The following OXR1 variants were observed in gnomAD, a reference collection of about 807,000 sequenced individuals.
OXR1 encodes oxidation resistance protein 1.
In OXR1, 41 loss-of-function variants were observed where a neutral mutation model predicts 104.6. The ratio of observed to expected loss-of-function variants is 0.39; its 90% CI spans 0.31 to 0.51. The LOEUF (loss-of-function observed/expected upper bound fraction) is 0.51, where lower values mean the gene tolerates loss of function less well. OXR1 is among the 20% of genes least tolerant of loss of function. OXR1 has a pLI of 0.77. For missense variants in OXR1, 955 were observed against 1,031.9 expected, an observed-to-expected ratio of 0.93 and a Z score of 1.02; for synonymous variants, 348 against 348.4, an observed-to-expected ratio of 1.00 and a Z score of 0.01.
At chr8:106,626,044 T>TTGTGTGTGTGTG (rs59554916) in intron 3 of OXR1, among the ~76,000 whole-genome samples, 3,060 of 148,388 alleles carry the variant, frequency 0.021, 44 homozygotes, top group Admixed American at 0.044. Context: ...GTTCTGCGTT[T>TTGTGTGTGTGTG]TGTGTGTGTG....
intron 3 of OXR1, among the ~76,000 whole-genome samples, chr8:106,640,551 G>T (rs1008472042): frequency 6.6e-6 from 1 of 151,966 alleles, no homozygotes; most frequent in Non-Finnish European, 1.5e-5. Context: ...AGAAAGTAGT[G>T]AGAATGGCAG....
chr8:106,491,616 C>T (rs769450724), intron 2 of OXR1, among the ~76,000 whole-genome samples: 3 of 152,210 alleles, frequency 2.0e-5, no homozygotes, highest in South Asian at 2.1e-4. Flanking sequence ...TGAAAGCAAG[C>T]AGTGGCTAGT....
intron 2 of OXR1, among the ~76,000 whole-genome samples, chr8:106,473,375 G>T (rs1821622574): frequency 6.6e-6 from 1 of 151,812 alleles, no homozygotes; most frequent in Admixed American, 6.6e-5. Context: ...AATGTCACTT[G>T]AAAAGTCTAA....
chr8:106,429,659 C>CA (rs55954304), intron 2 of OXR1, among the ~76,000 whole-genome samples: 1,394 of 93,904 alleles, frequency 0.015, 18 homozygotes, highest in Non-Finnish European at 0.021. Flanking sequence ...GACTCTGTCT[C>CA]AAAAAAAAAA....
chr8:106,328,015 A>G (rs1397409334), intron 1 of OXR1, among the ~76,000 whole-genome samples: 1 of 152,218 alleles, frequency 6.6e-6, no homozygotes, highest in Non-Finnish European at 1.5e-5. Flanking sequence ...ATTCCAACCC[A>G]GTGGCTTTAG....
rs1828478938 is a variant in OXR1 at position 106,684,326 on chromosome 8, A to G, written c.492A>G (p.Pro164=). 6.2e-7 allele frequency: 1 copy of G among 1,601,620 alleles called. No homozygotes were observed. Among genetic ancestry groups the G allele is most frequent in the Admixed American group, 1.7e-5 (1 of 59,950 alleles). Residue 164 remains proline, a synonymous_variant, in exon 6 of 17, where the codon CCA becomes CCG. Coordinates refer to ENST00000517566, the MANE Select transcript of OXR1 (RefSeq NM_001198533.2). ...TAAGCCCCGTAAGTCCTCTGTCACC[A>G]ACATCATCTGAGGCTGAATTTGATA... ...PSLSPVSPLS[P]TSSEAEFDKT... is the part of the protein sequence containing the mutation.
intron 3 of OXR1, among the ~76,000 whole-genome samples, chr8:106,636,696 A>T (rs1368046352): frequency 6.6e-6 from 1 of 152,062 alleles, no homozygotes; most frequent in Non-Finnish European, 1.5e-5. Flanking sequence ...GATAATACAA[A>T]GGATCTAAGT....
chr8:106,728,788 A>G (rs1199865359), intron 11 of OXR1, among the ~76,000 whole-genome samples: 5 of 152,150 alleles, frequency 3.3e-5, no homozygotes, highest in Non-Finnish European at 7.4e-5. Context: ...TTATAAGCCC[A>G]TTTTATAATA....
At chr8:106,532,837 A>G (rs188333142) in intron 3 of OXR1, among the ~76,000 whole-genome samples, 1 of 152,240 alleles carries the variant, frequency 6.6e-6, no homozygotes, top group Non-Finnish European at 1.5e-5. Context: ...ATAACAATAA[A>G]TGAGTGTTGA....
chr8:106,414,339 G>A (rs1818583653), intron 2 of OXR1, among the ~76,000 whole-genome samples: 1 of 152,178 alleles, frequency 6.6e-6, no homozygotes, highest in South Asian at 2.1e-4. Context: ...GTGTAATTCC[G>A]AGAGGGAAGG....
chr8:106,696,477 A>T (rs1452635057), intron 7 of OXR1, among the ~76,000 whole-genome samples: 1 of 152,154 alleles, frequency 6.6e-6, no homozygotes, highest in East Asian at 1.9e-4. Context: ...CTCAGGTAAA[A>T]TATCAAGAAT....
chr8:106,616,326 G>T (rs1821240013), intron 3 of OXR1, among the ~76,000 whole-genome samples: 1 of 145,766 alleles, frequency 6.9e-6, no homozygotes. Context: ...CTCCCAAAGT[G>T]CTGGGATTAC....
intron 1 of OXR1, among the ~76,000 whole-genome samples, chr8:106,357,311 A>C (rs1816014421): frequency 6.6e-6 from 1 of 152,042 alleles, no homozygotes; most frequent in African/African-American, 2.4e-5. Context: ...TTGTGGTGTC[A>C]GAATTTGGAG....
intron 6 of OXR1, among the ~76,000 whole-genome samples, chr8:106,689,234 T>A (rs1048047866): frequency 2.6e-5 from 4 of 152,086 alleles, no homozygotes; most frequent in African/African-American, 9.7e-5. Context: ...TTGCCAAGTA[T>A]CATTGGCATT....
At chr8:106,367,310 G>A (rs570979920) in intron 2 of OXR1, among the ~76,000 whole-genome samples, 7 of 151,978 alleles carry the variant, frequency 4.6e-5, no homozygotes, top group Non-Finnish European at 7.4e-5. Flanking sequence ...TGATCTGCCC[G>A]CCTTGGCCTC....
chr8:106,731,302 T>C (rs929770139), intron 11 of OXR1, among the ~76,000 whole-genome samples: 4 of 152,202 alleles, frequency 2.6e-5, no homozygotes, highest in African/African-American at 4.8e-5. Context: ...TTCCTTCATA[T>C]ATTTTGGATA....
At chr8:106,671,063 A>AAAAAAAAAAAAAAAAAAAAAAAATG (rs1826915081) in intron 3 of OXR1, among the ~76,000 whole-genome samples, 1 of 148,916 alleles carries the variant, frequency 6.7e-6, no homozygotes, top group Non-Finnish European at 1.5e-5. Flanking sequence ...AAAAAAAAAA[A>AAAAAAAAAAAAAAAAAAAAAAAATG]GAATGGCTGA....
intron 2 of OXR1, among the ~76,000 whole-genome samples, chr8:106,405,495 G>A (rs78518133): frequency 0.064 from 9,700 of 151,968 alleles, 1,110 homozygotes; most frequent in African/African-American, 0.22. Context: ...TTGAATAGGG[G>A]CAGACTTTGT....
chr8:106,746,409 T>G (rs1418278741), intron 16 of OXR1, among the ~76,000 whole-genome samples: 1 of 87,828 alleles, frequency 1.1e-5, no homozygotes, highest in African/African-American at 4.6e-5. Context: ...TATCCCAGCC[T>G]CCTTTAATCT....
Sources: allele counts gnomAD v4.1 joint callset (sites outside exome capture counted in the v4.1 genomes callset), GRCh38; gene constraint gnomAD v4.1.1; transcripts MANE v1.5; gene names NCBI Gene and HGNC (gene_info 2026-07-23, HGNC 2026-07-21).